The following MAP3K10 variants were observed in gnomAD, a reference collection of about 807,000 sequenced individuals.
The protein encoded by MAP3K10 is MKN28 derived nonreceptor_type serine/threonine kinase.
In MAP3K10, 22 loss-of-function variants were observed where a neutral mutation model predicts 75.0. That is an observed-to-expected ratio of 0.29 (90% CI 0.21 to 0.42). The LOEUF is 0.42. MAP3K10 is among the 10% of genes least tolerant of loss of function. The pLI is 1.00. For missense variants in MAP3K10, 1,165 were observed against 1,379.8 expected, an observed-to-expected ratio of 0.84 and a Z score of 2.47; for synonymous variants, 599 against 612.9, an observed-to-expected ratio of 0.98 and a Z score of 0.34.
chr19:40,214,519 C>A (rs1248343835), intron 9 of MAP3K10, among the ~76,000 whole-genome samples: 1 of 152,228 alleles, frequency 6.6e-6, no homozygotes, highest in Non-Finnish European at 1.5e-5. Flanking sequence ...CATCTGTTAA[C>A]TGGGTGGGAG....
chr19:40,214,351 G>A, intron 9 of MAP3K10, 130 bp downstream of exon 9: 2 of 1,148,120 alleles, frequency 1.7e-6, no homozygotes, highest in Non-Finnish European at 2.3e-6. Context: ...GGGAGGGTCT[G>A]TGTCCCTTTA....
chr19:40,195,706 G>C (rs530611152), intron 1 of MAP3K10, among the ~76,000 whole-genome samples: 3 of 151,914 alleles, frequency 2.0e-5, no homozygotes, highest in Non-Finnish European at 4.4e-5. Context: ...TGTTGGCCAG[G>C]CTGGTCTTGA....
rs982173526 is a variant in MAP3K10 at position 40,191,711 on chromosome 19, C to G, written c.-321C>G. ...CTGCCTGCCGCCCTCGCCCTCGTCC[C>G]CCACCGGCGGACCCCGGCGGGCATT... On this transcript the variant is annotated 5_prime_UTR_variant, in exon 1 of 10. Coordinates refer to ENST00000253055, the MANE Select transcript of MAP3K10 (RefSeq NM_002446.4). 27 of 248,332 alleles carry G rather than the reference C, an allele frequency of 1.1e-4. No individual in the cohort carries two copies. Among genetic ancestry groups the G allele is most frequent in the Admixed American group, 7.8e-4 (14 of 17,902 alleles). The allele number at this position is 248,332 out of a possible 1,614,324, so 15.4% of individuals were successfully genotyped here. A position where few individuals can be genotyped will look rare whatever the true frequency, so the allele number is the denominator to read the frequency against.
chr19:40,192,512 AG>A lies in MAP3K10; in HGVS notation c.485del (p.Gly162AlafsTer11). 1 of 1,613,566 alleles carries A rather than the reference AG, an allele frequency of 6.2e-7. No individual in the cohort carries two copies. The highest frequency in any genetic ancestry group is 8.5e-7 in the Non-Finnish European group (1 of 1,179,958). ...ALQHPNIIAL[R>X]GACLNPPHLC... The stretch of plus-strand genomic sequence containing the variant: ...GCAGCACCCCAACATAATTGCCCTT[AG>A]GGGCGCCTGCCTCAACCCCCCACAC... On this transcript the variant is annotated frameshift_variant, in exon 1 of 10. Coordinates refer to ENST00000253055, the MANE Select transcript of MAP3K10 (RefSeq NM_002446.4). LOFTEE classifies it high-confidence loss of function. This position sits in a 1 kb window ranked among gnomAD's most constrained non-coding sequence, Gnocchi z 7.1.
At chr19:40,210,771 G>A (rs1973224255) in intron 6 of MAP3K10, among the ~76,000 whole-genome samples, 1 of 151,926 alleles carries the variant, frequency 6.6e-6, no homozygotes, top group African/African-American at 2.4e-5. Context: ...GGCAGGAGAA[G>A]ATGGATATCC....
Position 40,212,233 on chromosome 19 carries a change from C to T in MAP3K10, c.1553-572C>T, listed in dbSNP as rs1479061698. Among the ~76,000 whole-genome samples the T allele has an allele frequency of 6.6e-6, 1 of 152,160 alleles. No individual in the cohort carries two copies. The highest frequency in any genetic ancestry group is 1.5e-5 in the Non-Finnish European group (1 of 68,026). On this transcript the variant is annotated intron_variant, in intron 6 of 9. Coordinates refer to ENST00000253055, the MANE Select transcript of MAP3K10 (RefSeq NM_002446.4). The surrounding 1 kb of genome is among the most constrained non-coding windows in gnomAD (Gnocchi z 4.2). ...GGCTATATGGCAGAGACACGGTCAT[C>T]GGAGTTTCCTGGTGGGTTGAAGGGT...
At position 40,198,448 on chromosome 19, in the gene MAP3K10, C is replaced by T. The variant is rs1353022595; in HGVS notation, c.756C>T (p.Ala252=). The T allele has an allele frequency of 1.2e-6, 2 of 1,614,036 alleles. No individual in the cohort carries two copies. Among genetic ancestry groups the T allele is most frequent in the Non-Finnish European group, 1.7e-6 (2 of 1,180,038 alleles). ...TCAAGATCACGGACTTCGGCCTCGC[C>T]CGCGAGTGGCACAAGACCACCAAGA... is the stretch of plus-strand genomic sequence containing the variant. ...TVLKITDFGL[A]REWHKTTKMS... Residue 252 remains alanine (A), a synonymous_variant, in exon 2 of 10, where the codon GCC becomes GCT. Coordinates refer to ENST00000253055, the MANE Select transcript of MAP3K10 (RefSeq NM_002446.4). This position sits in a 1 kb window ranked among gnomAD's most constrained non-coding sequence, Gnocchi z 4.3.
At position 40,215,372 on chromosome 19, in the gene MAP3K10, G is replaced by C. The variant is rs192185185; in HGVS notation, c.*80G>C. On this transcript the variant is annotated 3_prime_UTR_variant, in exon 10 of 10. Coordinates refer to ENST00000253055, the MANE Select transcript of MAP3K10 (RefSeq NM_002446.4). Reference sequence around the variant, plus strand: ...GCCCCAGCCCGCCATGCCACAAGGTGGGGGAGGCCCTGGGCAGGATGTTCA... The same window carrying C: ...GCCCCAGCCCGCCATGCCACAAGGTCGGGGAGGCCCTGGGCAGGATGTTCA... 0.01 allele frequency: 13,319 copies of C among 1,318,976 alleles called. 83 individuals carry two copies. Among genetic ancestry groups the C allele is most frequent in the Non-Finnish European group, 0.011 (11,070 of 965,342 alleles). 81.7% of individuals were successfully genotyped at this position (1,318,976 alleles called of 1,614,324 possible). A position where few individuals can be genotyped will look rare whatever the true frequency, so the allele number is the denominator to read the frequency against.
chr19:40,195,770 C>G (rs1293518038), intron 1 of MAP3K10, among the ~76,000 whole-genome samples: 3 of 152,154 alleles, frequency 2.0e-5, no homozygotes, highest in African/African-American at 4.8e-5. Flanking sequence ...GCTAGGATTA[C>G]AGGCATGAGC....
In MAP3K10 at chr19:40,191,924, C is replaced by T. The variant is rs1444119813; in HGVS notation, c.-108C>T. 2.8e-6 allele frequency: 2 copies of T among 706,762 alleles called. No individual in the cohort carries two copies. Among genetic ancestry groups the T allele is most frequent in the Non-Finnish European group, 4.3e-6 (2 of 461,292 alleles). The allele number at this position is 706,762 out of a possible 1,614,324, so 43.8% of individuals were successfully genotyped here. ...CCCCAGCCATGGCCCTCAGGAGCTC[C>T]CTAGACCCCGCAGGGACTGCCCTCC... On this transcript the variant is annotated 5_prime_UTR_variant, in exon 1 of 10. Coordinates refer to ENST00000253055, the MANE Select transcript of MAP3K10 (RefSeq NM_002446.4).
chr19:40,195,277 G>A (rs1188357248), intron 1 of MAP3K10, among the ~76,000 whole-genome samples: 1 of 151,938 alleles, frequency 6.6e-6, no homozygotes, highest in African/African-American at 2.4e-5. Context: ...TTTGAAGGGG[G>A]ACTGACTTAG....
chr19:40,198,160 G>A lies in MAP3K10; in HGVS notation c.683-215G>A, dbSNP rs540380141. On this transcript the variant is annotated intron_variant, in intron 1 of 9. Coordinates refer to ENST00000253055, the MANE Select transcript of MAP3K10 (RefSeq NM_002446.4). The surrounding 1 kb of genome is among the most constrained non-coding windows in gnomAD (Gnocchi z 4.3). ...AATCAGGAGGGCAGAGGACACAGGA[G>A]GAGCTCCCTACTCCCTCATGGGAGC... Among the ~76,000 whole-genome samples the A allele has an allele frequency of 2.0e-5, 3 of 152,312 alleles. No homozygotes were observed. In the East Asian group the frequency reaches 5.8e-4, roughly 29 times the overall value.
At chr19:40,193,233 C>T (rs1972850408) in intron 1 of MAP3K10, among the ~76,000 whole-genome samples, 1 of 152,208 alleles carries the variant, frequency 6.6e-6, no homozygotes, top group Non-Finnish European at 1.5e-5. Flanking sequence ...CTCTCCCCAG[C>T]TATGACAACC....
chr19:40,213,807 T>C lies in MAP3K10; in HGVS notation c.2128T>C (p.Phe710Leu), dbSNP rs1973289585. 3.1e-6 allele frequency: 4 copies of C among 1,289,182 alleles called. No individual in the cohort carries two copies. The highest frequency in any genetic ancestry group is 7.9e-5 in the East Asian group (2 of 25,230). 79.9% of individuals were successfully genotyped at this position (1,289,182 alleles called of 1,614,324 possible). The change falls in exon 9 of 10, where the codon TTC becomes CTC. Residue 710 changes from phenylalanine (F) to leucine (L), a missense_variant. Around this residue, in one of 2 missense-constraint regions of MAP3K10, gnomAD observed 590 missense variants for 586.6 expected, o/e 1.01. Transcript: ENST00000253055. This position sits in a 1 kb window ranked among gnomAD's most constrained non-coding sequence, Gnocchi z 5.7. ...EEQRRWLDGL[F>L]FPRAGRFPRG... ...GCAGCGGCGCTGGCTCGACGGCCTCTTCTTTCCCCGCGCCGGCCGCTTCCC... is the reference window on the plus strand; with the variant it reads ...GCAGCGGCGCTGGCTCGACGGCCTCCTCTTTCCCCGCGCCGGCCGCTTCCC...
Position 40,205,831 on chromosome 19 carries a change from C to G in MAP3K10, c.1189-80C>G. 2.1e-6 allele frequency: 3 copies of G among 1,403,208 alleles called. No individual in the cohort carries two copies. 86.9% of individuals were successfully genotyped at this position (1,403,208 alleles called of 1,614,324 possible). ...AGGTACCCTTGTGTGAGGCACCAAC[C>G]AGACGCAGCAGCCCTGGGTCCCTCC... On this transcript the variant is annotated intron_variant, in intron 4 of 9. Coordinates refer to ENST00000253055, the MANE Select transcript of MAP3K10 (RefSeq NM_002446.4). This position sits in a 1 kb window ranked among gnomAD's most constrained non-coding sequence, Gnocchi z 4.3.
intron 5 of MAP3K10, among the ~76,000 whole-genome samples, chr19:40,207,280 C>T (rs1973141157): frequency 6.6e-6 from 1 of 151,900 alleles, no homozygotes; most frequent in Admixed American, 6.6e-5. Context: ...AGGAGGGAGG[C>T]ACGTAGTGTC....
At chr19:40,206,347 T>A (rs1973122033) in intron 5 of MAP3K10, 190 bp downstream of exon 5, 2 of 548,200 alleles carry the variant, frequency 3.6e-6, no homozygotes, top group Non-Finnish European at 5.9e-6. Context: ...GGTGGGAGGA[T>A]CACTTGAGGC....
At position 40,213,174 on chromosome 19, in the gene MAP3K10, G is replaced by A; in HGVS notation, c.1823G>A (p.Ser608Asn). 2 of 1,579,962 alleles carry A rather than the reference G, an allele frequency of 1.3e-6. No individual in the cohort carries two copies. The highest frequency in any genetic ancestry group is 1.7e-6 in the Non-Finnish European group (2 of 1,163,664). The change falls in exon 8 of 10, where the codon AGC becomes AAC. Residue 608 changes from serine (S) to asparagine (N), a missense_variant. Physicochemically the swap from Ser to Asn is conservative, Grantham distance 46. This residue lies in a region of MAP3K10 where 590 missense variants were observed against 586.6 expected (regional missense o/e 1.01). Coordinates refer to ENST00000253055, the MANE Select transcript of MAP3K10 (RefSeq NM_002446.4). This position sits in a 1 kb window ranked among gnomAD's most constrained non-coding sequence, Gnocchi z 5.7. ...ACACCCATCGCCCCTGGCTTTGCCA[G>A]CCTCAATGAGATGGGTAAGAGCCTG... ...KHTPIAPGFA[S>N]LNEMEEFAEA...
At chr19:40,214,648 A>G (rs1471054466) in intron 9 of MAP3K10, among the ~76,000 whole-genome samples, 7 of 152,112 alleles carry the variant, frequency 4.6e-5, no homozygotes, top group African/African-American at 1.7e-4. Context: ...ATCCCCCTTC[A>G]GAGCTAAGCC....
Sources: allele counts gnomAD v4.1 joint callset (sites outside exome capture counted in the v4.1 genomes callset), GRCh38; gene constraint gnomAD v4.1.1; regional missense constraint gnomAD v4.1.1; non-coding constraint Gnocchi (gnomAD v3.1); transcripts MANE v1.5; gene names NCBI Gene and HGNC (gene_info 2026-07-23, HGNC 2026-07-21).